GPHN: variants seen among roughly 807,000 people sequenced by gnomAD.
GPHN encodes the protein gephyrin.
A neutral mutation model predicts 95.5 loss-of-function variants in GPHN; 17 were observed. That is an observed-to-expected ratio of 0.18 (90% CI 0.12 to 0.27). GPHN has a LOEUF of 0.27. Among genes scored for constraint, GPHN ranks in the 10% least tolerant of loss-of-function variants. GPHN has a pLI of 1.00. For missense variants in GPHN, 660 were observed against 978.1 expected (o/e 0.67, Z 4.34); for synonymous variants, 320 against 322.5 (o/e 0.99, Z 0.08).
chr14:66,554,483 G>A (rs1460991869), intron 1 of GPHN, among the ~76,000 whole-genome samples: 1 of 152,134 alleles, frequency 6.6e-6, no homozygotes, highest in South Asian at 2.1e-4. Context: ...GAAGGCAAAG[G>A]GGTAGCAAGG....
the GPHN span, chr14:67,199,507 T>C: frequency 1.2e-6 from 2 of 1,613,074 alleles, no homozygotes; most frequent in Non-Finnish European, 8.5e-7. Context: ...TTATTAATTT[T>C]GCTTCATTTG....
the GPHN span, among the ~76,000 whole-genome samples, chr14:67,242,712 A>G: frequency 1.3e-5 from 2 of 152,108 alleles, no homozygotes; most frequent in Non-Finnish European, 1.5e-5. Context: ...ATGAGCTATT[A>G]AATTATAATG....
At chr14:66,756,074 C>T (rs973755051) in intron 2 of GPHN, among the ~76,000 whole-genome samples, 1 of 152,054 alleles carries the variant, frequency 6.6e-6, no homozygotes, top group African/African-American at 2.4e-5. Context: ...ACCTCTAACC[C>T]CAGGATATTG....
chr14:66,928,902 A>G (rs2066628250), intron 8 of GPHN, among the ~76,000 whole-genome samples: 1 of 152,008 alleles, frequency 6.6e-6, no homozygotes, highest in Non-Finnish European at 1.5e-5. Flanking sequence ...AGTTTTTTTA[A>G]AGACTTGTTT....
chr14:66,544,329 T>C (rs936658592), intron 1 of GPHN, among the ~76,000 whole-genome samples: 2 of 152,220 alleles, frequency 1.3e-5, no homozygotes, highest in Admixed American at 1.3e-4. Flanking sequence ...ATACTCCTAA[T>C]CCTCTTTGCC....
the GPHN span, among the ~76,000 whole-genome samples, chr14:67,500,955 A>G: frequency 6.6e-6 from 1 of 151,804 alleles, no homozygotes; most frequent in Non-Finnish European, 1.5e-5. Context: ...TAGCTGCATC[A>G]TCTTCCAGAT....
chr14:67,576,068 C>A, the GPHN span: 1 of 1,315,880 alleles, frequency 7.6e-7, no homozygotes, highest in South Asian at 1.4e-5. This position sits in a 1 kb window ranked among gnomAD's most constrained non-coding sequence, Gnocchi z 4.0. Flanking sequence ...CTTCCCTTCT[C>A]TCTTTCTCCT....
At chr14:66,652,701 A>T (rs2065104599) in intron 1 of GPHN, among the ~76,000 whole-genome samples, 1 of 152,150 alleles carries the variant, frequency 6.6e-6, no homozygotes, top group South Asian at 2.1e-4. Flanking sequence ...CCAGGCTGCC[A>T]GCAAAGCAAT....
At chr14:67,646,532 T>G in the GPHN span, 1 of 812,338 alleles carries the variant, frequency 1.2e-6, no homozygotes, top group Non-Finnish European at 2.0e-6. Context: ...GCTCTAAACT[T>G]ACCCTGTGGG....
the GPHN span, among the ~76,000 whole-genome samples, chr14:67,258,211 A>G: frequency 2.6e-5 from 4 of 152,204 alleles, no homozygotes; most frequent in African/African-American, 9.6e-5. Flanking sequence ...TTTGCAGTCT[A>G]GTTGAGAAGA....
At chr14:67,440,618 T>C in the GPHN span, among the ~76,000 whole-genome samples, 1 of 152,224 alleles carries the variant, frequency 6.6e-6, no homozygotes, top group Non-Finnish European at 1.5e-5. Flanking sequence ...TGGGCATGGT[T>C]GTGCATGTCT....
chr14:67,194,884 C>A, the GPHN span, among the ~76,000 whole-genome samples: 4 of 152,186 alleles, frequency 2.6e-5, no homozygotes, highest in Admixed American at 2.6e-4. Context: ...TCTTGAACTC[C>A]TGACCTAAGG....
intron 2 of GPHN, among the ~76,000 whole-genome samples, chr14:66,732,335 G>C (rs1383073678): frequency 6.6e-6 from 1 of 152,232 alleles, no homozygotes; most frequent in South Asian, 2.1e-4. Flanking sequence ...CCCACCCATT[G>C]CATCAGCGTA....
At chr14:66,990,620 G>T (rs191486850) in intron 9 of GPHN, among the ~76,000 whole-genome samples, 1 of 152,168 alleles carries the variant, frequency 6.6e-6, no homozygotes, top group East Asian at 1.9e-4. Context: ...AAGCACATTT[G>T]TTCTGAATTA....
At chr14:67,506,302 C>G in the GPHN span, among the ~76,000 whole-genome samples, 2 of 152,178 alleles carry the variant, frequency 1.3e-5, no homozygotes, top group African/African-American at 2.4e-5. Flanking sequence ...TATGAATAAC[C>G]AGAAAAGTTA....
chr14:66,678,520 TC>T (rs1268354961), intron 1 of GPHN, among the ~76,000 whole-genome samples: 9 of 152,192 alleles, frequency 5.9e-5, no homozygotes, highest in Admixed American at 3.3e-4. Flanking sequence ...CTATCTGTGT[TC>T]TTTTGTATCT....
chr14:67,320,505 T>C, the GPHN span: 1 of 1,050,536 alleles, frequency 9.5e-7, no homozygotes, highest in Admixed American at 3.2e-5. Context: ...AACACTGTTG[T>C]CAGTGAAAGA....
chr14:66,706,855 C>T (rs1377651000), intron 2 of GPHN, among the ~76,000 whole-genome samples: 1 of 151,986 alleles, frequency 6.6e-6, no homozygotes, highest in African/African-American at 2.4e-5. Context: ...GCAAAAGAAA[C>T]TATCCTCAGA....
intron 11 of GPHN, among the ~76,000 whole-genome samples, chr14:67,071,107 A>G (rs1231711636): frequency 6.6e-6 from 1 of 152,154 alleles, no homozygotes; most frequent in Non-Finnish European, 1.5e-5. Context: ...TAGAAATACC[A>G]TTTGACCCAG....
Sources: allele counts gnomAD v4.1 joint callset (sites outside exome capture counted in the v4.1 genomes callset), GRCh38; gene constraint gnomAD v4.1.1; non-coding constraint Gnocchi (gnomAD v3.1); transcripts MANE v1.5; gene names NCBI Gene and HGNC (gene_info 2026-07-23, HGNC 2026-07-21).